TPRG1: variants seen among roughly 807,000 people sequenced by gnomAD.
TPRG1 encodes the protein tumor protein p63-regulated gene 1 protein.
A neutral mutation model predicts 29.3 loss-of-function variants in TPRG1; 29 were observed. The observed-to-expected ratio is 0.99, with a 90% CI of 0.74 to 1.35. TPRG1 has a LOEUF of 1.35. TPRG1 is among the 40% of genes most tolerant of loss of function. The pLI is 0.00. For synonymous variants in TPRG1, 130 were observed against 116.8 expected, an observed-to-expected ratio of 1.11 and a Z score of -0.73; for missense variants, 327 against 335.0, an observed-to-expected ratio of 0.98 and a Z score of 0.19.
At chr3:189,080,993 G>T (rs927729244) in intron 4 of TPRG1, among the ~76,000 whole-genome samples, 1 of 152,084 alleles carries the variant, frequency 6.6e-6, no homozygotes, top group East Asian at 1.9e-4. Context: ...GTCTTGTCAA[G>T]GGATTGGCAG....
intron 3 of TPRG1, among the ~76,000 whole-genome samples, chr3:189,133,337 G>A (rs1723323011): frequency 6.6e-6 from 1 of 152,116 alleles, no homozygotes; most frequent in Non-Finnish European, 1.5e-5. Flanking sequence ...AGGCAAAGGA[G>A]CAAGATCAAG....
chr3:189,176,379 A>G (rs1011526515), intron 1 of TPRG1, among the ~76,000 whole-genome samples: 1 of 152,246 alleles, frequency 6.6e-6, no homozygotes, highest in African/African-American at 2.4e-5. Flanking sequence ...GCTATTGAAT[A>G]TCTGTTTTAA....
intron 1 of TPRG1, among the ~76,000 whole-genome samples, chr3:189,197,614 C>T (rs1732754722): frequency 6.6e-6 from 1 of 152,130 alleles, no homozygotes; most frequent in Non-Finnish European, 1.5e-5. Flanking sequence ...AGATGCTTCT[C>T]CTGCCAACTC....
chr3:189,010,984 C>T (rs145159206), intron 3 of TPRG1, among the ~76,000 whole-genome samples: 1,681 of 152,250 alleles, frequency 0.011, 28 homozygotes, highest in African/African-American at 0.037. Context: ...CTGCATATGG[C>T]TAGCCAGTTC....
intron 4 of TPRG1, among the ~76,000 whole-genome samples, chr3:189,304,991 G>A (rs953640938): frequency 1.3e-5 from 2 of 152,150 alleles, no homozygotes; most frequent in East Asian, 1.9e-4. Flanking sequence ...TCTCGGTTTG[G>A]TGCCTCGAGC....
intron 1 of TPRG1, among the ~76,000 whole-genome samples, chr3:189,182,206 G>A (rs1274265715): frequency 6.6e-6 from 1 of 152,144 alleles, no homozygotes; most frequent in Admixed American, 6.5e-5. Flanking sequence ...TTTTAGTTAG[G>A]AATTCATAAG....
intron 4 of TPRG1, among the ~76,000 whole-genome samples, chr3:189,263,389 G>A (rs1238441959): frequency 6.6e-6 from 1 of 152,170 alleles, no homozygotes; most frequent in African/African-American, 2.4e-5. Context: ...ACTGTAAATA[G>A]GCCAGCACAA....
intron 4 of TPRG1, among the ~76,000 whole-genome samples, chr3:189,059,158 G>A (rs1715925922): frequency 6.6e-6 from 1 of 152,130 alleles, no homozygotes; most frequent in African/African-American, 2.4e-5. Flanking sequence ...CTAATTCATA[G>A]GATTGTTTTG....
At chr3:189,209,560 G>C (rs1341356946) in intron 2 of TPRG1, among the ~76,000 whole-genome samples, 1 of 152,100 alleles carries the variant, frequency 6.6e-6, no homozygotes, top group African/African-American at 2.4e-5. Context: ...AGGCAGGAGA[G>C]GGCTTAACAT....
At chr3:189,176,380 T>C (rs1381665567) in intron 1 of TPRG1, among the ~76,000 whole-genome samples, 6 of 152,232 alleles carry the variant, frequency 3.9e-5, no homozygotes, top group Non-Finnish European at 8.8e-5. Context: ...CTATTGAATA[T>C]CTGTTTTAAG....
chr3:189,033,661 G>A (rs1448123674), intron 4 of TPRG1, among the ~76,000 whole-genome samples: 1 of 151,392 alleles, frequency 6.6e-6, no homozygotes, highest in Admixed American at 6.6e-5. Flanking sequence ...CTCCCTGCAA[G>A]CTCCACCTCC....
chr3:189,140,911 C>T (rs985758688), intron 3 of TPRG1, among the ~76,000 whole-genome samples: 4 of 152,114 alleles, frequency 2.6e-5, no homozygotes, highest in African/African-American at 7.2e-5. Context: ...AAGCTGAGTG[C>T]CGTGTTTGCA....
chr3:189,105,468 C>T (rs1427025873), intron 1 of TPRG1, among the ~76,000 whole-genome samples: 1 of 152,052 alleles, frequency 6.6e-6, no homozygotes, highest in African/African-American at 2.4e-5. Flanking sequence ...CACACTTTGC[C>T]CCCCTGCTAA....
intron 2 of TPRG1, among the ~76,000 whole-genome samples, chr3:189,213,619 T>C (rs181682490): frequency 6.6e-6 from 1 of 152,318 alleles, no homozygotes; most frequent in Admixed American, 6.5e-5. Flanking sequence ...CAGCAAAACA[T>C]CACCTTCATC....
At chr3:189,197,813 A>G (rs1222459076) in intron 1 of TPRG1, among the ~76,000 whole-genome samples, 2 of 152,238 alleles carry the variant, frequency 1.3e-5, no homozygotes, top group African/African-American at 4.8e-5. Flanking sequence ...TGTTATTCTG[A>G]AAAGAGAGAA....
At chr3:189,161,230 G>C (rs1395834372) in intron 5 of TPRG1, among the ~76,000 whole-genome samples, 1 of 152,154 alleles carries the variant, frequency 6.6e-6, no homozygotes, top group African/African-American at 2.4e-5. Context: ...TGGGGGTTAG[G>C]GCTGGAGGGA....
chr3:189,229,885 G>T (rs1409696298), intron 3 of TPRG1, among the ~76,000 whole-genome samples: 1 of 152,204 alleles, frequency 6.6e-6, no homozygotes. Context: ...ACATACTACA[G>T]TAGGCAGATC....
rs1724209430 is a variant in TPRG1, at chr3:189,320,606, CT to C, written c.634-18del. 6.3e-7 allele frequency: 1 copy of C among 1,579,740 alleles called. No homozygotes were observed. Among genetic ancestry groups the C allele is most frequent in the Non-Finnish European group, 8.6e-7 (1 of 1,165,800 alleles). ...TAATCTACAGTAACTAACTTTGTGC[CT>C]TCTTTTTTTCTTCTTCAGTTGTCTG... On this transcript the variant is annotated intron_variant, in intron 5 of 5. Transcript: ENST00000345063.
chr3:189,066,612 A>G lies in TPRG1; in HGVS notation c.-463+42666A>G, dbSNP rs562255400. Among the ~76,000 whole-genome samples, 3 of 151,520 alleles carry G rather than the reference A, an allele frequency of 2.0e-5. No homozygotes were observed. The East Asian group carries it at 5.8e-4, about 29-fold the overall frequency. On this transcript the variant is annotated intron_variant, in intron 4 of 10. Coordinates refer to the TPRG1 transcript ENST00000433971. ...CTGAAAAAGCGTTTGATACAATTTA[A>G]CATCCCTTCATGATAAAAACCTTAA...
Sources: allele counts gnomAD v4.1 joint callset (sites outside exome capture counted in the v4.1 genomes callset), GRCh38; gene constraint gnomAD v4.1.1; transcripts MANE v1.5; gene names NCBI Gene and HGNC (gene_info 2026-07-23, HGNC 2026-07-21).